The following KIF6 variants were observed in gnomAD, a reference collection of about 807,000 sequenced individuals.
The protein encoded by KIF6 is kinesin-like protein KIF6.
Under a neutral mutation model 112.7 loss-of-function variants are expected in KIF6, and 106 were observed. The ratio of observed to expected loss-of-function variants is 0.94; its 90% CI spans 0.80 to 1.11. The LOEUF is 1.11. KIF6 is among the 50% of genes least tolerant of loss of function. The pLI is 0.00. For missense variants in KIF6, 929 were observed against 964.0 expected, an observed-to-expected ratio of 0.96 and a Z score of 0.48; for synonymous variants, 339 against 339.9, an observed-to-expected ratio of 1.00 and a Z score of 0.03.
At chr6:39,444,964 G>A (rs948596322) in intron 13 of KIF6, among the ~76,000 whole-genome samples, 3 of 152,200 alleles carry the variant, frequency 2.0e-5, no homozygotes, top group Non-Finnish European at 4.4e-5. Flanking sequence ...CTGACACCTG[G>A]GAGGAGCCGC....
At chr6:39,682,867 C>T (rs528849798) in intron 3 of KIF6, among the ~76,000 whole-genome samples, 7 of 31,188 alleles carry the variant, frequency 2.2e-4, no homozygotes, top group African/African-American at 3.3e-4. Context: ...CATGAGCCAC[C>T]GCGCCAGCGT....
intron 14 of KIF6, among the ~76,000 whole-genome samples, chr6:39,430,504 T>C (rs1381746443): frequency 6.6e-6 from 1 of 152,198 alleles, no homozygotes; most frequent in Non-Finnish European, 1.5e-5. Flanking sequence ...AAAGAAATTA[T>C]ATACCTCTAA....
intron 15 of KIF6, among the ~76,000 whole-genome samples, chr6:39,413,805 A>G (rs965072012): frequency 6.6e-6 from 1 of 152,210 alleles, no homozygotes; most frequent in African/African-American, 2.4e-5. Flanking sequence ...ATTTCCTTCT[A>G]TTCTTACAGT....
intron 14 of KIF6, among the ~76,000 whole-genome samples, chr6:39,424,050 G>A (rs1770583294): frequency 6.6e-6 from 1 of 152,110 alleles, no homozygotes; most frequent in Non-Finnish European, 1.5e-5. Context: ...CTAACAGGGC[G>A]AAGTAGACTC....
At chr6:39,710,971 G>A (rs931703900) in intron 3 of KIF6, among the ~76,000 whole-genome samples, 6 of 151,688 alleles carry the variant, frequency 4.0e-5, no homozygotes, top group Admixed American at 3.3e-4. Context: ...AGGCTGCAGT[G>A]AGCTGTGATC....
chr6:39,398,815 G>C (rs1472913344), intron 15 of KIF6, among the ~76,000 whole-genome samples: 2 of 152,206 alleles, frequency 1.3e-5, no homozygotes. Context: ...TGGATGTTGT[G>C]ATGGTTAGTT....
Position 39,714,696 on chromosome 6 carries a change from C to T in KIF6, c.247G>A (p.Gly83Arg), listed in dbSNP as rs1164425877. The T allele has an allele frequency of 6.2e-7, 1 of 1,613,006 alleles. No homozygotes were observed. Among genetic ancestry groups the T allele is most frequent in the African/African-American group, 1.3e-5 (1 of 74,904 alleles). Reference protein sequence around the residue: ...VFENIAKPVAGSVLAGYNGTI... With the variant: ...VFENIAKPVARSVLAGYNGTI... ...ACAAAATATGGGAAATCCTACCTCC[C>T]AGCAACTGGTTTGGCAATGTTTTCA... Residue 83 changes from glycine (G) to arginine (R), a missense_variant, in exon 3 of 23, where the codon GGG becomes AGG. By Grantham distance (125) the Gly-to-Arg change is moderately radical. Transcript: ENST00000287152.
At chr6:39,400,324 G>A (rs945043673) in intron 15 of KIF6, among the ~76,000 whole-genome samples, 1 of 152,222 alleles carries the variant, frequency 6.6e-6, no homozygotes, top group African/African-American at 2.4e-5. Flanking sequence ...TTCAGACACA[G>A]GCTGGATGAT....
chr6:39,590,006 G>A (rs1781844896), intron 7 of KIF6, among the ~76,000 whole-genome samples: 1 of 152,108 alleles, frequency 6.6e-6, no homozygotes. Flanking sequence ...TATGTCCTAG[G>A]AAGGCAGTAT....
At chr6:39,667,259 T>A (rs927123612) in intron 3 of KIF6, among the ~76,000 whole-genome samples, 6 of 128,618 alleles carry the variant, frequency 4.7e-5, no homozygotes, top group Non-Finnish European at 6.3e-5. Flanking sequence ...CATAGCTGGC[T>A]CAGGCTAAAA....
intron 13 of KIF6, among the ~76,000 whole-genome samples, chr6:39,442,945 C>G (rs1182122065): frequency 1.3e-5 from 2 of 151,750 alleles, no homozygotes; most frequent in Non-Finnish European, 2.9e-5. Flanking sequence ...AACCTCGTCT[C>G]TACTAAAAAT....
intron 13 of KIF6, among the ~76,000 whole-genome samples, chr6:39,529,332 C>T (rs1777913273): frequency 6.6e-6 from 1 of 152,154 alleles, no homozygotes; most frequent in Non-Finnish European, 1.5e-5. Context: ...TAAAAAGCTT[C>T]TGCAGAACAA....
intron 10 of KIF6, among the ~76,000 whole-genome samples, chr6:39,568,612 G>A (rs967467250): frequency 4.0e-5 from 6 of 151,376 alleles, no homozygotes; most frequent in East Asian, 1.9e-4. Context: ...GCACAGTGGC[G>A]CAACCTGGAC....
At chr6:39,690,887 C>T (rs1490147852) in intron 3 of KIF6, 2 of 152,172 alleles carry the variant, frequency 1.3e-5, no homozygotes, top group Non-Finnish European at 2.9e-5. Flanking sequence ...TAGTTCAGTG[C>T]ACTGATGGAG....
intron 10 of KIF6, among the ~76,000 whole-genome samples, chr6:39,574,902 C>T (rs141708472): frequency 1.4e-4 from 22 of 152,266 alleles, no homozygotes; most frequent in Admixed American, 1.2e-3. Flanking sequence ...ATCTGCCCCT[C>T]GGTTTTTTCA....
At chr6:39,568,707 T>A (rs1465736576) in intron 10 of KIF6, among the ~76,000 whole-genome samples, 1 of 151,940 alleles carries the variant, frequency 6.6e-6, no homozygotes, top group Non-Finnish European at 1.5e-5. Context: ...CCCACCATCA[T>A]GCCCGGCTAA....
chr6:39,483,420 A>G (rs1197151864), intron 13 of KIF6, among the ~76,000 whole-genome samples: 2 of 152,166 alleles, frequency 1.3e-5, no homozygotes, highest in South Asian at 2.1e-4. Context: ...TGATTTCTGC[A>G]TCTGGGATTA....
intron 19 of KIF6, among the ~76,000 whole-genome samples, chr6:39,350,627 G>C (rs974667315): frequency 5.3e-5 from 8 of 152,166 alleles, no homozygotes; most frequent in Non-Finnish European, 8.8e-5. Context: ...AATCCTTCAC[G>C]TGAGATGTTC....
intron 15 of KIF6, among the ~76,000 whole-genome samples, chr6:39,400,119 T>C (rs1768576452): frequency 6.6e-6 from 1 of 152,184 alleles, no homozygotes; most frequent in African/African-American, 2.4e-5. Context: ...GGAGGGACTT[T>C]GGCCATAATA....
Sources: allele counts gnomAD v4.1 joint callset (sites outside exome capture counted in the v4.1 genomes callset), GRCh38; gene constraint gnomAD v4.1.1; transcripts MANE v1.5; gene names NCBI Gene and HGNC (gene_info 2026-07-23, HGNC 2026-07-21).